Variants in TLCD4 observed in about 807,000 individuals in gnomAD.
TLCD4 encodes the protein TLC domain-containing protein 4.
TLCD4 carries 7 observed loss-of-function variants against 24.2 expected under a neutral mutation model. The ratio of observed to expected loss-of-function variants is 0.29; its 90% CI spans 0.16 to 0.54. The LOEUF is 0.54. Among genes scored for constraint, TLCD4 ranks in the 20% least tolerant of loss-of-function variants. The pLI is 0.95. For synonymous variants in TLCD4, 103 were observed against 106.4 expected (o/e 0.97, Z 0.20); for missense variants, 259 against 313.9 (o/e 0.82, Z 1.32).
chr1:95,117,271 G>A (rs1676448761), upstream of TLCD4: 2 of 152,300 alleles, frequency 1.3e-5, no homozygotes, highest in Non-Finnish European at 1.5e-5. Flanking sequence ...CTGCTCGGCG[G>A]CCCGCCTCGG....
At chr1:95,105,909 A>AAAAAAAAAAAAG in the TLCD4 span, among the ~76,000 whole-genome samples, 1 of 150,338 alleles carries the variant, frequency 6.7e-6, no homozygotes, top group Non-Finnish European at 1.5e-5. Flanking sequence ...AAAAAAAAAA[A>AAAAAAAAAAAAG]AAAGAAAAGA....
chr1:95,094,376 C>T, the TLCD4 span, among the ~76,000 whole-genome samples: 10 of 151,858 alleles, frequency 6.6e-5, no homozygotes, highest in Non-Finnish European at 1.5e-4. Flanking sequence ...CTCAAGTGAT[C>T]CTCCTACCTT....
chr1:95,135,703 A>G (rs1677022876), intron 1 of TLCD4, among the ~76,000 whole-genome samples: 1 of 151,752 alleles, frequency 6.6e-6, no homozygotes, highest in African/African-American at 2.4e-5. Flanking sequence ...CAGCCACAAC[A>G]CTTCTTTAAA....
At chr1:95,095,387 G>A in the TLCD4 span, among the ~76,000 whole-genome samples, 1 of 150,304 alleles carries the variant, frequency 6.7e-6, no homozygotes, top group Admixed American at 6.6e-5. Context: ...ACCTCTTTAG[G>A]GTTTTTATTT....
chr1:95,153,406 AT>A (rs1677543907), intron 5 of TLCD4, among the ~76,000 whole-genome samples: 1 of 152,156 alleles, frequency 6.6e-6, no homozygotes, highest in South Asian at 2.1e-4. Context: ...ATGTTATTAC[AT>A]TTTTAGAAAG....
chr1:95,097,691 A>G, the TLCD4 span, among the ~76,000 whole-genome samples: 4 of 152,328 alleles, frequency 2.6e-5, no homozygotes, highest in East Asian at 7.7e-4. Flanking sequence ...AAGGAACTGT[A>G]TTGTAGACTC....
intron 1 of TLCD4, among the ~76,000 whole-genome samples, chr1:95,125,337 C>T (rs1310971933): frequency 6.6e-6 from 1 of 152,182 alleles, no homozygotes; most frequent in African/African-American, 2.4e-5. Flanking sequence ...GGAAACATGT[C>T]ACCATATCTA....
chr1:95,116,217 T>C (rs1428374468), upstream of TLCD4, among the ~76,000 whole-genome samples: 1 of 152,192 alleles, frequency 6.6e-6, no homozygotes, highest in African/African-American at 2.4e-5. Flanking sequence ...TATGAATTAT[T>C]ATTACCATTT....
chr1:95,133,198 G>A (rs1193335405), intron 1 of TLCD4, among the ~76,000 whole-genome samples: 2 of 152,104 alleles, frequency 1.3e-5, no homozygotes, highest in Non-Finnish European at 2.9e-5. Context: ...AATAGACCCT[G>A]GTGTGTGATG....
At chr1:95,180,445 C>A (rs372671577) in intron 6 of TLCD4, among the ~76,000 whole-genome samples, 2 of 152,284 alleles carry the variant, frequency 1.3e-5, no homozygotes, top group South Asian at 2.1e-4. Context: ...ATATTGAGCA[C>A]AGCTTCTGTC....
At chr1:95,148,328 G>C (rs1677402581) in intron 2 of TLCD4, among the ~76,000 whole-genome samples, 1 of 152,252 alleles carries the variant, frequency 6.6e-6, no homozygotes, top group African/African-American at 2.4e-5. Context: ...CATTGATGCT[G>C]TTGGGGCTGG....
At position 95,170,210 on chromosome 1, in the gene TLCD4, T is replaced by C. The variant is rs531623590; in HGVS notation, c.400-3606T>C. Among the ~76,000 whole-genome samples, 47 of 152,204 alleles carry C rather than the reference T, an allele frequency of 3.1e-4. 2 individuals are homozygous for C. The South Asian group carries it at 9.8e-3, about 32-fold the overall frequency. The stretch of plus-strand genomic sequence containing the variant: ...CACCTTTGACAGGAGAAAGTCAGTG[T>C]TATGAATGAGAGAAATTATCCTTAA... On this transcript the variant is annotated intron_variant, in intron 5 of 6. Coordinates refer to ENST00000370203, the MANE Select transcript of TLCD4 (RefSeq NM_152487.3).
At chr1:95,105,686 G>C in the TLCD4 span, among the ~76,000 whole-genome samples, 1 of 151,968 alleles carries the variant, frequency 6.6e-6, no homozygotes, top group African/African-American at 2.4e-5. Flanking sequence ...ACGAGGCCAG[G>C]AGATCGAGAC....
Position 95,194,043 on chromosome 1 carries a change from C to A in TLCD4, c.*2175C>A, listed in dbSNP as rs1204862907. On this transcript the variant is annotated 3_prime_UTR_variant, in exon 7 of 7. Transcript: ENST00000370203. ...CTATCAAAATGAAAACAATATAAAG[C>A]TATATTAGTGAGTCTCCATGTAGCA... is the stretch of plus-strand genomic sequence containing the variant. The A allele has an allele frequency of 6.6e-6, 1 of 152,060 alleles. No homozygotes were observed. The highest frequency in any genetic ancestry group is 2.4e-5 in the African/African-American group (1 of 41,428). The allele number at this position is 152,060 out of a possible 1,614,324, so 9.4% of individuals were successfully genotyped here.
chr1:95,179,267 A>G (rs1408482357), intron 6 of TLCD4, among the ~76,000 whole-genome samples: 1 of 152,268 alleles, frequency 6.6e-6, no homozygotes, highest in Non-Finnish European at 1.5e-5. Context: ...TGTGAGCAAC[A>G]TACCTTTAGT....
the TLCD4 span, among the ~76,000 whole-genome samples, chr1:95,107,768 T>G: frequency 6.6e-6 from 1 of 152,190 alleles, no homozygotes; most frequent in South Asian, 2.1e-4. Context: ...AGCAGGAATT[T>G]TTATATGCTG....
intron 1 of TLCD4, chr1:95,120,946 G>T (rs754567744): frequency 6.6e-6 from 1 of 152,286 alleles, no homozygotes; most frequent in Non-Finnish European, 1.5e-5. Flanking sequence ...GGCGGAGGGG[G>T]ATTGGAGATA....
intron 1 of TLCD4, among the ~76,000 whole-genome samples, chr1:95,122,624 A>G (rs1237455954): frequency 6.6e-6 from 1 of 151,956 alleles, no homozygotes; most frequent in Admixed American, 6.6e-5. Flanking sequence ...TCCCCCACCA[A>G]CTGCCTTGTG....
At chr1:95,125,490 C>T (rs1056349747) in intron 1 of TLCD4, 1 of 152,164 alleles carries the variant, frequency 6.6e-6, no homozygotes, top group African/African-American at 2.4e-5. Context: ...GTCAAAGTAG[C>T]TCGAGTAGAA....
Sources: gnomAD v4.1 joint callset for allele counts (sites outside exome capture counted in the v4.1 genomes callset) on GRCh38, gnomAD v4.1.1 for gene constraint, MANE v1.5 for transcripts, NCBI Gene and HGNC (gene_info 2026-07-23, HGNC 2026-07-21) for gene names.